The following PCP4 variants were observed in gnomAD, a reference collection of about 807,000 sequenced individuals.
PCP4 encodes Purkinje cell protein 4, also known as calmodulin regulator protein PCP4.
A neutral mutation model predicts 10.0 loss-of-function variants in PCP4; 8 were observed. The ratio of observed to expected loss-of-function variants is 0.80; its 90% CI spans 0.47 to 1.45. The LOEUF is 1.45. Among genes scored for constraint, PCP4 ranks in the 40% most tolerant of loss-of-function variants. The probability of loss-of-function intolerance (pLI) is 0.00; values close to 1 mark genes in which losing one functional copy is unlikely to be tolerated. For missense variants in PCP4, 54 were observed against 74.4 expected (o/e 0.73, Z 1.01); for synonymous variants, 21 against 23.0 (o/e 0.91, Z 0.24).
chr21:39,896,315 A>G (rs1186115720), intron 1 of PCP4, among the ~76,000 whole-genome samples: 1 of 152,190 alleles, frequency 6.6e-6, no homozygotes, highest in Non-Finnish European at 1.5e-5. Flanking sequence ...TATTTGAGCC[A>G]TCTATGAATT....
At position 39,883,292 on chromosome 21, in the gene PCP4, T is replaced by A. The variant is rs78889259; in HGVS notation, c.10-15184T>A. Among the ~76,000 whole-genome samples, 799 of 152,294 alleles carry A rather than the reference T, an allele frequency of 5.2e-3. 13 individuals are homozygous for A. Among genetic ancestry groups the A allele is most frequent in the African/African-American group, 0.018 (754 of 41,562 alleles). Reference sequence around the variant, plus strand: ...TGGCATAAATGGAGGTGCTTGCATGTTGATTCCTGGGCCCTTTGACCCAAC... The same window carrying A: ...TGGCATAAATGGAGGTGCTTGCATGATGATTCCTGGGCCCTTTGACCCAAC... On this transcript the variant is annotated intron_variant, in intron 1 of 2. Transcript: ENST00000328619.
chr21:39,903,604 C>T (rs1003351488), intron 2 of PCP4, among the ~76,000 whole-genome samples: 1 of 151,978 alleles, frequency 6.6e-6, no homozygotes, highest in African/African-American at 2.4e-5. Flanking sequence ...CGCGGTGGCT[C>T]ACGCCTGTAA....
At chr21:39,919,978 GT>G (rs2087587257) in intron 2 of PCP4, among the ~76,000 whole-genome samples, 1 of 149,774 alleles carries the variant, frequency 6.7e-6, no homozygotes, top group Non-Finnish European at 1.5e-5. Flanking sequence ...TGGTGTGTGT[GT>G]GGTGTGTGTG....
At chr21:39,898,622 C>G in intron 2 of PCP4, 95 bp downstream of exon 2, 1 of 921,336 alleles carries the variant, frequency 1.1e-6, no homozygotes, top group South Asian at 1.4e-5. Context: ...TCCCAAACAG[C>G]TTACTATATG....
At chr21:39,927,368 TC>T (rs1568863898) in intron 2 of PCP4, among the ~76,000 whole-genome samples, 69 of 13,636 alleles carry the variant, frequency 5.1e-3, no homozygotes, top group South Asian at 0.018. Context: ...TATCTATCTA[TC>T]ATCTATCTAT....
intron 1 of PCP4, among the ~76,000 whole-genome samples, chr21:39,878,268 G>A (rs985916595): frequency 2.6e-5 from 4 of 152,164 alleles, no homozygotes; most frequent in Admixed American, 6.5e-5. Context: ...ATGCTAATGG[G>A]TAACCTTCCC....
intron 2 of PCP4, chr21:39,926,109 C>T (rs1568863402): frequency 2.2e-6 from 1 of 455,850 alleles, no homozygotes; most frequent in Non-Finnish European, 4.4e-6. Flanking sequence ...GCTCCTGCCA[C>T]TCCTCTAACA....
chr21:39,923,765 G>A lies in PCP4; in HGVS notation c.62-5219G>A, dbSNP rs147939251. On this transcript the variant is annotated intron_variant, in intron 2 of 2. Coordinates refer to ENST00000328619, the MANE Select transcript of PCP4 (RefSeq NM_006198.3). Reference sequence around the variant, plus strand: ...GTACTGCAATCTGGACATGACAATGGCATTCGTTTCGTCCATACCACTCGT... The same window carrying A: ...GTACTGCAATCTGGACATGACAATGACATTCGTTTCGTCCATACCACTCGT... 1.2e-3 allele frequency among the ~76,000 whole-genome samples: 181 copies of A among 152,314 alleles called. 2 individuals carry two copies. In the South Asian group the frequency reaches 0.012, roughly 10 times the overall value.
At chr21:39,881,128 G>T (rs1000105368) in intron 1 of PCP4, among the ~76,000 whole-genome samples, 1 of 152,158 alleles carries the variant, frequency 6.6e-6, no homozygotes, top group East Asian at 1.9e-4. Context: ...TTCTTGGGCT[G>T]TGACAGCTGA....
At chr21:39,887,918 G>T (rs1413596214) in intron 1 of PCP4, among the ~76,000 whole-genome samples, 2 of 152,204 alleles carry the variant, frequency 1.3e-5, no homozygotes, top group East Asian at 3.8e-4. Context: ...GCTGTGTGGG[G>T]TATTAATTGT....
chr21:39,918,086 T>C (rs1383727199), intron 2 of PCP4, among the ~76,000 whole-genome samples: 1 of 152,228 alleles, frequency 6.6e-6, no homozygotes, highest in East Asian at 1.9e-4. Context: ...AGAACATAAA[T>C]TTCTGTTGCT....
At chr21:39,900,312 G>C (rs2087476963) in intron 2 of PCP4, among the ~76,000 whole-genome samples, 1 of 152,290 alleles carries the variant, frequency 6.6e-6, no homozygotes, top group East Asian at 1.9e-4. Flanking sequence ...TGGGATTACA[G>C]GTGTGAGCCA....
chr21:39,877,299 G>T (rs1253831740), intron 1 of PCP4, among the ~76,000 whole-genome samples: 1 of 151,994 alleles, frequency 6.6e-6, no homozygotes, highest in East Asian at 1.9e-4. Context: ...CTATTTCTAG[G>T]GATTCCAGCT....
chr21:39,918,331 G>A (rs1247457420), intron 2 of PCP4, among the ~76,000 whole-genome samples: 2 of 152,046 alleles, frequency 1.3e-5, no homozygotes, highest in East Asian at 3.9e-4. Flanking sequence ...GTTCCACAAT[G>A]GGCATTTTAT....
chr21:39,903,414 A>G (rs2087490172), intron 2 of PCP4, among the ~76,000 whole-genome samples: 1 of 152,208 alleles, frequency 6.6e-6, no homozygotes. Flanking sequence ...TATTATTTTG[A>G]ACTACCTGTG....
rs200458389 is a variant in PCP4, at chr21:39,906,537, CTCCT to C, written c.61+8022_61+8025del. ...TCTTCCTCACCCTTTCTCTTTCTCC[CTCCT>C]TCCTTCCTTCCGCTCCTCCTTCTTC... On this transcript the variant is annotated intron_variant, in intron 2 of 2. Transcript: ENST00000328619. This position sits in a 1 kb window ranked among gnomAD's most constrained non-coding sequence, Gnocchi z 6.3. Among the ~76,000 whole-genome samples, 786 of 147,700 alleles carry C rather than the reference CTCCT, an allele frequency of 5.3e-3. 5 individuals carry two copies. The highest frequency in any genetic ancestry group is 0.02 in the African/African-American group (739 of 37,396).
intron 2 of PCP4, among the ~76,000 whole-genome samples, chr21:39,914,423 C>A (rs898414613): frequency 6.6e-6 from 1 of 151,868 alleles, no homozygotes; most frequent in Non-Finnish European, 1.5e-5. Flanking sequence ...AAAACATACA[C>A]ACACAAAATT....
chr21:39,922,820 T>C (rs2087602792), intron 2 of PCP4, among the ~76,000 whole-genome samples: 2 of 152,334 alleles, frequency 1.3e-5, no homozygotes, highest in South Asian at 4.1e-4. Flanking sequence ...GATTGTCACT[T>C]CCTTTGAGGT....
intron 2 of PCP4, among the ~76,000 whole-genome samples, chr21:39,921,897 G>A (rs768914325): frequency 8.5e-5 from 13 of 152,216 alleles, no homozygotes; most frequent in Non-Finnish European, 1.6e-4. Context: ...GATGGACTAT[G>A]GGACTGATGT....
Sources: allele counts gnomAD v4.1 joint callset (sites outside exome capture counted in the v4.1 genomes callset), GRCh38; gene constraint gnomAD v4.1.1; non-coding constraint Gnocchi (gnomAD v3.1); transcripts MANE v1.5; gene names NCBI Gene and HGNC (gene_info 2026-07-23, HGNC 2026-07-21).